The following LCLAT1 variants were observed in gnomAD, a reference collection of about 807,000 sequenced individuals.
LCLAT1 encodes lysocardiolipin acyltransferase 1.
In LCLAT1, 11 loss-of-function variants were observed where a neutral mutation model predicts 30.7. The ratio of observed to expected loss-of-function variants is 0.36; its 90% CI spans 0.23 to 0.59. The LOEUF is 0.59. Ranked by LOEUF, LCLAT1 falls within the 20% of genes least tolerant of loss-of-function variation. The pLI is 0.77. For missense variants in LCLAT1, 402 were observed against 458.6 expected, an observed-to-expected ratio of 0.88 and a Z score of 1.13; for synonymous variants, 155 against 151.3, an observed-to-expected ratio of 1.02 and a Z score of -0.18.
At chr2:30,547,154 C>T (rs746581289) in intron 3 of LCLAT1, among the ~76,000 whole-genome samples, 1 of 152,128 alleles carries the variant, frequency 6.6e-6, no homozygotes, top group African/African-American at 2.4e-5. Flanking sequence ...TGGAATGAAT[C>T]TCTGCAGCTA....
At chr2:30,610,793 G>C (rs1434348260) in intron 5 of LCLAT1, among the ~76,000 whole-genome samples, 1 of 152,068 alleles carries the variant, frequency 6.6e-6, no homozygotes, top group Non-Finnish European at 1.5e-5. Flanking sequence ...TTTACCAGAA[G>C]TTCAGTGTTA....
chr2:30,487,421 G>A (rs1426879853), intron 1 of LCLAT1, among the ~76,000 whole-genome samples: 2 of 152,166 alleles, frequency 1.3e-5, no homozygotes, highest in South Asian at 2.1e-4. Flanking sequence ...TTGTAGTAGG[G>A]CAGCCATTTC....
intron 5 of LCLAT1, among the ~76,000 whole-genome samples, chr2:30,608,027 G>A (rs568001829): frequency 6.6e-6 from 1 of 152,066 alleles, no homozygotes; most frequent in East Asian, 1.9e-4. Context: ...TTATAAAAGA[G>A]TCAAGTTTTA....
chr2:30,511,221 G>A (rs1684923755), intron 1 of LCLAT1, among the ~76,000 whole-genome samples: 1 of 152,122 alleles, frequency 6.6e-6, no homozygotes, highest in African/African-American at 2.4e-5. Context: ...ATCCCTCAAT[G>A]TTTCTGTATT....
chr2:30,477,206 A>T (rs973131234), intron 1 of LCLAT1, among the ~76,000 whole-genome samples: 1 of 152,144 alleles, frequency 6.6e-6, no homozygotes, highest in Non-Finnish European at 1.5e-5. Context: ...TAAGGCTAGG[A>T]TAGCTGTTGT....
intron 5 of LCLAT1, among the ~76,000 whole-genome samples, chr2:30,576,238 G>A (rs541676837): frequency 1.3e-5 from 2 of 152,260 alleles, no homozygotes; most frequent in Admixed American, 6.5e-5. Context: ...GCTTTTGTGA[G>A]TAAAATTTGT....
chr2:30,585,421 A>G (rs888369169), intron 5 of LCLAT1, among the ~76,000 whole-genome samples: 8 of 152,276 alleles, frequency 5.3e-5, no homozygotes, highest in East Asian at 3.9e-4. Flanking sequence ...CACCTGGCTC[A>G]GTCTTCCATT....
At chr2:30,627,251 G>T (rs541043029) in intron 5 of LCLAT1, among the ~76,000 whole-genome samples, 1 of 152,224 alleles carries the variant, frequency 6.6e-6, no homozygotes, top group African/African-American at 2.4e-5. Context: ...CCCTCCCCCA[G>T]TTCCCCATTG....
At chr2:30,529,915 A>G (rs1191165679) in intron 2 of LCLAT1, among the ~76,000 whole-genome samples, 1 of 152,200 alleles carries the variant, frequency 6.6e-6, no homozygotes, top group Non-Finnish European at 1.5e-5. Flanking sequence ...ATTACCTCAG[A>G]CTAAGTAAAG....
chr2:30,468,964 T>C (rs914563802), intron 1 of LCLAT1, among the ~76,000 whole-genome samples: 1 of 152,252 alleles, frequency 6.6e-6, no homozygotes, highest in Admixed American at 6.5e-5. Context: ...TATATAGTGA[T>C]ATCTCATTGT....
At chr2:30,520,542 T>G (rs999864597) in intron 1 of LCLAT1, among the ~76,000 whole-genome samples, 17 of 152,202 alleles carry the variant, frequency 1.1e-4, no homozygotes, top group African/African-American at 3.9e-4. Context: ...CTTAAGTAAG[T>G]TCCTTAACCC....
intron 3 of LCLAT1, among the ~76,000 whole-genome samples, chr2:30,558,871 A>G (rs1442572991): frequency 6.6e-6 from 1 of 152,210 alleles, no homozygotes; most frequent in Non-Finnish European, 1.5e-5. Context: ...CTTAGCAGAA[A>G]TGGGTGCTCA....
intron 1 of LCLAT1, among the ~76,000 whole-genome samples, chr2:30,515,764 A>C (rs1685151592): frequency 1.3e-5 from 2 of 152,236 alleles, no homozygotes; most frequent in African/African-American, 4.8e-5. Context: ...ACATGATACT[A>C]AATTGCAGTG....
chr2:30,506,747 A>T (rs1460690779), intron 1 of LCLAT1, among the ~76,000 whole-genome samples: 1 of 152,150 alleles, frequency 6.6e-6, no homozygotes, highest in Non-Finnish European at 1.5e-5. Context: ...ATCCTTGTAG[A>T]TTGCACAGAA....
chr2:30,562,434 G>A, intron 4 of LCLAT1, 142 bp downstream of exon 4: 2 of 585,698 alleles, frequency 3.4e-6, no homozygotes, highest in Non-Finnish European at 5.6e-6. Context: ...TACTCAGGAG[G>A]CTGAGACTGG....
intron 1 of LCLAT1, among the ~76,000 whole-genome samples, chr2:30,488,655 C>T (rs971375061): frequency 3.9e-5 from 6 of 152,304 alleles, no homozygotes; most frequent in Admixed American, 3.9e-4. Context: ...CACTCAATAA[C>T]TCCCACATTC....
At chr2:30,561,149 G>A (rs1665199803) in intron 3 of LCLAT1, among the ~76,000 whole-genome samples, 1 of 152,090 alleles carries the variant, frequency 6.6e-6, no homozygotes, top group Non-Finnish European at 1.5e-5. Context: ...CACCATGTTG[G>A]CCAGGCTGGT....
At chr2:30,533,384 C>G in intron 3 of LCLAT1, 70 bp downstream of exon 3, 1 of 1,325,494 alleles carries the variant, frequency 7.5e-7, no homozygotes, top group Non-Finnish European at 1.1e-6. Flanking sequence ...GTAAAACTGA[C>G]TTAAGCATTA....
At chr2:30,603,295 C>G (rs75487059) in intron 5 of LCLAT1, among the ~76,000 whole-genome samples, 189 of 151,880 alleles carry the variant, frequency 1.2e-3, no homozygotes, top group African/African-American at 4.0e-3. Context: ...AAAAACCTAG[C>G]GTGTCTAGAG....
Sources: allele counts gnomAD v4.1 joint callset (sites outside exome capture counted in the v4.1 genomes callset), GRCh38; gene constraint gnomAD v4.1.1; transcripts MANE v1.5; gene names NCBI Gene and HGNC (gene_info 2026-07-23, HGNC 2026-07-21).